MAOB: variants seen among roughly 807,000 people sequenced by gnomAD.
MAOB encodes monoamine oxidase B.
Under a neutral mutation model 41.9 loss-of-function variants are expected in MAOB, and 15 were observed. The ratio of observed to expected loss-of-function variants is 0.36; its 90% CI spans 0.24 to 0.55. MAOB has a LOEUF of 0.55. Among genes scored for constraint, MAOB ranks in the 20% least tolerant of loss-of-function variants. The pLI is 0.86. For missense variants in MAOB, 345 were observed against 398.7 expected (o/e 0.87, Z 1.15); for synonymous variants, 167 against 144.2 (o/e 1.16, Z -1.13).
chrX:43,782,078 A>G (rs1350133156), intron 8 of MAOB, among the ~76,000 whole-genome samples: 1 of 111,549 alleles, frequency 9.0e-6, no homozygotes, highest in East Asian at 2.8e-4. Context: ...AATTAAATGA[A>G]CTAGAGAAGC....
At position 43,797,056 on chromosome X, in the gene MAOB, G is replaced by C. The variant is rs907412816; in HGVS notation, c.618+69C>G. 8.5e-6 allele frequency: 9 copies of C among 1,061,461 alleles called. No individual in the cohort carries two copies. The African/African-American group carries it at 1.5e-4, about 18-fold the overall frequency. The allele number at this position is 1,061,461 out of a possible 1,213,427, so 87.5% of individuals were successfully genotyped here. A position where few individuals can be genotyped will look rare whatever the true frequency, so the allele number is the denominator to read the frequency against. On this transcript the variant is annotated intron_variant, in intron 6 of 14. Transcript: ENST00000378069. ...CTTCCCACTTCAGCAGTTCATGATT[G>C]AAGGATGATGATCTTTCATTTCAGT...
rs944172205 is a variant in MAOB, at chrX:43,810,161, T to C, written c.280-6757A>G. On this transcript the variant is annotated intron_variant, in intron 3 of 14. Transcript: ENST00000378069. Reference sequence around the variant, plus strand: ...GGGAGGCTGAGGCAGGAGAATGGCGTGAACCCAGGAGGCGGAGCTTGCAGT... The same window carrying C: ...GGGAGGCTGAGGCAGGAGAATGGCGCGAACCCAGGAGGCGGAGCTTGCAGT... Among the ~76,000 whole-genome samples, 7 of 87,679 alleles carry C rather than the reference T, an allele frequency of 8.0e-5. 1 individual carries two copies. The highest frequency in any genetic ancestry group is 3.7e-4 in the African/African-American group (7 of 18,741). The allele number at this position is 87,679 out of a possible 115,157, so 76.1% of individuals were successfully genotyped here. A position where few individuals can be genotyped will look rare whatever the true frequency, so the allele number is the denominator to read the frequency against.
At chrX:43,841,047 A>T (rs185570257) in intron 2 of MAOB, among the ~76,000 whole-genome samples, 2 of 110,986 alleles carry the variant, frequency 1.8e-5, no homozygotes, top group East Asian at 5.7e-4. Context: ...CTTAAAGTAT[A>T]ATTTAAAAAA....
Position 43,794,150 on chromosome X carries a change from C to T in MAOB, c.769-572G>A, listed in dbSNP as rs750194439. ...TTGGCCTCCCAAAGTGCTGGGATTACAGGCGTTAGCCACCAAGCCTGGCCC... is the reference window on the plus strand; with the variant it reads ...TTGGCCTCCCAAAGTGCTGGGATTATAGGCGTTAGCCACCAAGCCTGGCCC... On this transcript the variant is annotated intron_variant, in intron 7 of 14. Coordinates refer to ENST00000378069, the MANE Select transcript of MAOB (RefSeq NM_000898.5). Among the ~76,000 whole-genome samples the T allele has an allele frequency of 2.4e-4, 27 of 112,011 alleles. 1 individual carries two copies. The highest frequency in any genetic ancestry group is 1.9e-3 in the South Asian group (5 of 2,651).
chrX:43,779,106 T>G (rs1325075806), intron 10 of MAOB, among the ~76,000 whole-genome samples: 1 of 111,906 alleles, frequency 8.9e-6, no homozygotes, highest in Non-Finnish European at 1.9e-5. Context: ...CTCTTCTTTC[T>G]CTCTCTTTCT....
Position 43,793,403 on chromosome X carries a change from T to C in MAOB, c.928+16A>G. The C allele has an allele frequency of 8.8e-7, 1 of 1,137,041 alleles. No individual in the cohort carries two copies. The highest frequency in any genetic ancestry group is 1.2e-6 in the Non-Finnish European group (1 of 853,467). 93.7% of individuals were successfully genotyped at this position (1,137,041 alleles called of 1,213,427 possible). A position where few individuals can be genotyped will look rare whatever the true frequency, so the allele number is the denominator to read the frequency against. On this transcript the variant is annotated intron_variant, in intron 8 of 14. Transcript: ENST00000378069. ...GGACCTTCTTCTAAAGGTTTTTATA[T>C]AAGGAAAGTACTCACCCTTTTTCCT... is the stretch of plus-strand genomic sequence containing the variant.
chrX:43,869,027 T>G lies in MAOB; in HGVS notation c.46+13227A>C, dbSNP rs185447880. 6.3e-5 allele frequency among the ~76,000 whole-genome samples: 7 copies of G among 111,494 alleles called. No homozygotes were observed. The East Asian group carries it at 2.0e-3, about 32-fold the overall frequency. ...GCCGGCAAAGATTTCGGGTAGATAG[T>G]AAATATATGAGGCTGAATCACAGGG... On this transcript the variant is annotated intron_variant, in intron 1 of 14. Coordinates refer to ENST00000378069, the MANE Select transcript of MAOB (RefSeq NM_000898.5).
At chrX:43,860,054 C>G (rs73625697) in intron 1 of MAOB, among the ~76,000 whole-genome samples, 6,868 of 111,613 alleles carry the variant, frequency 0.062, 518 homozygotes, top group African/African-American at 0.21. Context: ...CATGCCTTCC[C>G]TCTTGACTCA....
chrX:43,882,170 C>T, intron 1 of MAOB, 84 bp downstream of exon 1: 1 of 1,167,956 alleles, frequency 8.6e-7, no homozygotes, highest in Non-Finnish European at 1.1e-6. Context: ...CAGCCCCTGC[C>T]CCACGGCCGC....
chrX:43,837,746 A>C, intron 3 of MAOB: 1 of 260,404 alleles, frequency 3.8e-6, no homozygotes, highest in Non-Finnish European at 7.4e-6. Context: ...TCTACCAGTG[A>C]GGAATAAGTT....
intron 3 of MAOB, among the ~76,000 whole-genome samples, chrX:43,826,280 C>T (rs1054615598): frequency 8.9e-6 from 1 of 112,012 alleles, no homozygotes; most frequent in East Asian, 2.8e-4. Context: ...ACTTCTTTTC[C>T]TGTAGGACTA....
intron 1 of MAOB, among the ~76,000 whole-genome samples, chrX:43,881,590 T>C (rs1165202576): frequency 8.9e-6 from 1 of 112,008 alleles, no homozygotes; most frequent in East Asian, 2.8e-4. Context: ...TCTGTCCCCA[T>C]CCTTGCCAAA....
intron 1 of MAOB, chrX:43,844,028 T>C: frequency 1.7e-6 from 1 of 598,610 alleles, no homozygotes; most frequent in Non-Finnish European, 2.2e-6. Flanking sequence ...TTTTAATGAC[T>C]AAATTGCATG....
chrX:43,782,240 C>T (rs1409426658), intron 8 of MAOB, among the ~76,000 whole-genome samples: 2 of 110,101 alleles, frequency 1.8e-5, no homozygotes, highest in Non-Finnish European at 3.8e-5. Flanking sequence ...GACCGCTAGC[C>T]AGACTAATAA....
chrX:43,840,808 T>A (rs780973722), intron 2 of MAOB, among the ~76,000 whole-genome samples: 8 of 110,579 alleles, frequency 7.2e-5, no homozygotes, highest in Middle Eastern at 4.7e-3. Context: ...ACCAGGAGAT[T>A]CCCTCGGTCC....
chrX:43,857,972 T>C (rs1047288472), intron 1 of MAOB, among the ~76,000 whole-genome samples: 1 of 111,699 alleles, frequency 9.0e-6, no homozygotes, highest in African/African-American at 3.3e-5. Context: ...GGGCTACCAA[T>C]TTAGAACCTC....
intron 13 of MAOB, 45 bp from the exon 14 acceptor site, chrX:43,768,761 C>T: frequency 9.5e-7 from 1 of 1,056,149 alleles, no homozygotes; most frequent in Non-Finnish European, 1.3e-6. Context: ...GTGACACCAT[C>T]TTTCTTCTAA....
intron 1 of MAOB, among the ~76,000 whole-genome samples, chrX:43,859,859 A>G (rs1403023239): frequency 8.9e-6 from 1 of 111,790 alleles, no homozygotes; most frequent in Non-Finnish European, 1.9e-5. Context: ...ACTTCTTCAA[A>G]TAATAATCTA....
At chrX:43,780,538 A>G in intron 9 of MAOB, 143 bp from the exon 10 acceptor site, 1 of 394,251 alleles carries the variant, frequency 2.5e-6, no homozygotes, top group Admixed American at 4.2e-5. Context: ...CTTACGTTCA[A>G]AGTTTTATGA....
Sources: gnomAD v4.1 joint callset for allele counts (sites outside exome capture counted in the v4.1 genomes callset) on GRCh38, gnomAD v4.1.1 for gene constraint, MANE v1.5 for transcripts, NCBI Gene and HGNC (gene_info 2026-07-23, HGNC 2026-07-21) for gene names.